The following NACC2 variants were observed in gnomAD, a reference collection of about 807,000 sequenced individuals.
NACC2 encodes nucleus accumbens-associated protein 2.
A neutral mutation model predicts 25.1 loss-of-function variants in NACC2; 8 were observed. The observed-to-expected ratio is 0.32, with a 90% CI of 0.19 to 0.57. The LOEUF is 0.57. Among genes scored for constraint, NACC2 ranks in the 20% least tolerant of loss-of-function variants. The pLI, the probability that NACC2 is intolerant of heterozygous loss-of-function variation, is 0.89. For synonymous variants in NACC2, 435 were observed against 294.7 expected (o/e 1.48, Z -4.88); for missense variants, 644 against 650.2 (o/e 0.99, Z 0.10).
At chr9:136,094,258 G>T (rs1047129244) in intron 1 of NACC2, among the ~76,000 whole-genome samples, 1 of 152,156 alleles carries the variant, frequency 6.6e-6, no homozygotes, top group Non-Finnish European at 1.5e-5. Context: ...GGTTGGGGGA[G>T]GGAGTGGAAC....
At chr9:136,092,674 A>G (rs757261180) in intron 1 of NACC2, among the ~76,000 whole-genome samples, 18 of 152,200 alleles carry the variant, frequency 1.2e-4, no homozygotes, top group Non-Finnish European at 2.2e-4. Context: ...ACCAAGGTGA[A>G]GGTGGACTGG....
intron 1 of NACC2, among the ~76,000 whole-genome samples, chr9:136,080,541 C>A (rs978115543): frequency 2.6e-5 from 4 of 152,168 alleles, no homozygotes; most frequent in Admixed American, 2.6e-4. Flanking sequence ...TGCACTCCAG[C>A]CTGGGTAACA....
chr9:136,057,095 C>T (rs1036955337), intron 1 of NACC2, among the ~76,000 whole-genome samples: 40 of 152,196 alleles, frequency 2.6e-4, no homozygotes, highest in African/African-American at 9.7e-4. Context: ...TCGGCAGCAG[C>T]AGGCTCTGCG....
At chr9:136,095,007 C>A (rs1339561385) in intron 1 of NACC2, among the ~76,000 whole-genome samples, 182 bp downstream of exon 1, 2 of 145,994 alleles carry the variant, frequency 1.4e-5, no homozygotes, top group African/African-American at 4.9e-5. Flanking sequence ...CCGGTTCCCG[C>A]GCGCACGCCC....
At chr9:136,056,683 C>T (rs1296627420) in intron 1 of NACC2, among the ~76,000 whole-genome samples, 8 of 152,188 alleles carry the variant, frequency 5.3e-5, no homozygotes, top group Admixed American at 1.3e-4. Context: ...CGGGCCCCCT[C>T]GGACTATCAC....
At chr9:136,044,585 G>A (rs11103288) in intron 2 of NACC2, among the ~76,000 whole-genome samples, 100,232 of 151,974 alleles carry the variant, frequency 0.66, 37,841 homozygotes, top group Non-Finnish European at 0.84. Flanking sequence ...GGTGGTGGGG[G>A]GGCTCTAACA....
At chr9:136,077,144 A>G (rs558607842) in intron 1 of NACC2, among the ~76,000 whole-genome samples, 103 of 150,508 alleles carry the variant, frequency 6.8e-4, no homozygotes, top group African/African-American at 2.3e-3. Flanking sequence ...GCGCCACTAC[A>G]CTCCAGCCTG....
At chr9:136,045,855 CG>C (rs1840714730) in intron 2 of NACC2, among the ~76,000 whole-genome samples, 1 of 152,162 alleles carries the variant, frequency 6.6e-6, no homozygotes, top group Non-Finnish European at 1.5e-5. Context: ...AAGGAGACCA[CG>C]GGAACAGACC....
In NACC2 at chr9:136,027,629, A is replaced by AG. The variant is rs572582163; in HGVS notation, c.887-11201dup. The stretch of plus-strand genomic sequence containing the variant: ...CATTGCTACATAACACAAGGGCAAA[A>AG]GGGAAAAAAAAATCACAAATGACTA... On this transcript the variant is annotated intron_variant, in intron 2 of 5. Transcript: ENST00000277554. 3.1e-4 allele frequency among the ~76,000 whole-genome samples: 47 copies of AG among 152,114 alleles called. 2 individuals are homozygous for AG. In the South Asian group the frequency reaches 9.8e-3, roughly 32 times the overall value.
intron 1 of NACC2, among the ~76,000 whole-genome samples, chr9:136,054,537 C>T (rs1407744125): frequency 3.3e-5 from 5 of 152,148 alleles, no homozygotes; most frequent in East Asian, 1.9e-4. Context: ...AGCAGACACA[C>T]GGGGGCTGAC....
intron 1 of NACC2, among the ~76,000 whole-genome samples, chr9:136,087,111 T>C (rs1239040673): frequency 1.3e-5 from 2 of 152,212 alleles, no homozygotes; most frequent in Non-Finnish European, 2.9e-5. Flanking sequence ...AGGCAGAGAC[T>C]GGGCCCATGA....
rs187079095 is a variant in NACC2, at chr9:136,080,008, C to A, written c.-60+15181G>T. Among the ~76,000 whole-genome samples, 4 of 152,312 alleles carry A rather than the reference C, an allele frequency of 2.6e-5. No homozygotes were observed. In the East Asian group the frequency reaches 7.7e-4, roughly 29 times the overall value. On this transcript the variant is annotated intron_variant, in intron 1 of 5. Transcript: ENST00000277554. ...TCTGCTGGCCATGGGGCTGCCTGGG[C>A]CAGGCCTGGGGCTGACCTGATAGCC...
chr9:136,033,926 T>TGC (rs1840513034), intron 2 of NACC2, among the ~76,000 whole-genome samples: 1 of 150,660 alleles, frequency 6.6e-6, no homozygotes, highest in South Asian at 2.1e-4. Context: ...TGTGTGTGTG[T>TGC]GTGTGTGTGT....
At chr9:136,015,738 T>C (rs115757377) in intron 3 of NACC2, among the ~76,000 whole-genome samples, 5,348 of 152,320 alleles carry the variant, frequency 0.035, 327 homozygotes, top group African/African-American at 0.12. Context: ...TGGGTCAGAC[T>C]GGCTTTAGCC....
intron 2 of NACC2, among the ~76,000 whole-genome samples, chr9:136,017,374 G>C (rs1203300356): frequency 6.6e-6 from 1 of 152,128 alleles, no homozygotes; most frequent in East Asian, 1.9e-4. Flanking sequence ...AGCGTTCATG[G>C]AGGGCCAGGG....
chr9:136,012,223 C>T (rs560840461), intron 5 of NACC2, among the ~76,000 whole-genome samples, 199 bp from the exon 6 acceptor site: 1 of 152,254 alleles, frequency 6.6e-6, no homozygotes, highest in Non-Finnish European at 1.5e-5. Flanking sequence ...GGCCTCCCCA[C>T]CCCATTCCTC....
chr9:136,090,261 C>G (rs904456429), intron 1 of NACC2, among the ~76,000 whole-genome samples: 16 of 152,144 alleles, frequency 1.1e-4, no homozygotes, highest in African/African-American at 3.9e-4. Context: ...CCTCAGGGGT[C>G]CCTGGGAGGA....
chr9:136,032,485 A>G (rs1315262390), intron 2 of NACC2, among the ~76,000 whole-genome samples: 1 of 152,248 alleles, frequency 6.6e-6, no homozygotes, highest in Admixed American at 6.5e-5. Context: ...AAAGAGGAAC[A>G]GTGGAAGCTT....
chr9:136,044,022 G>A (rs905850408), intron 2 of NACC2, among the ~76,000 whole-genome samples: 9 of 152,068 alleles, frequency 5.9e-5, no homozygotes. Flanking sequence ...AAGGGGTTTC[G>A]CCATGTTGGC....
Sources: allele counts gnomAD v4.1 joint callset (sites outside exome capture counted in the v4.1 genomes callset), GRCh38; gene constraint gnomAD v4.1.1; transcripts MANE v1.5; gene names NCBI Gene and HGNC (gene_info 2026-07-23, HGNC 2026-07-21).